RAB5A: variants seen among roughly 807,000 people sequenced by gnomAD.
RAB5A encodes the protein ras-related protein Rab-5A.
In RAB5A, 8 loss-of-function variants were observed where a neutral mutation model predicts 25.7. That is an observed-to-expected ratio of 0.31 (90% CI 0.18 to 0.56). The LOEUF is 0.56. RAB5A is among the 20% of genes least tolerant of loss of function. The pLI is 0.91. For synonymous variants in RAB5A, 98 were observed against 89.8 expected (o/e 1.09, Z -0.52); for missense variants, 192 against 259.7 (o/e 0.74, Z 1.79).
intron 2 of RAB5A, among the ~76,000 whole-genome samples, chr3:19,971,575 G>T (rs976260433): frequency 6.6e-6 from 1 of 152,044 alleles, no homozygotes; most frequent in African/African-American, 2.4e-5. Context: ...GAGTTCAAGT[G>T]ATTCTCCTGC....
At chr3:19,955,324 G>A (rs1438906088) in intron 2 of RAB5A, among the ~76,000 whole-genome samples, 3 of 152,174 alleles carry the variant, frequency 2.0e-5, no homozygotes, top group Non-Finnish European at 4.4e-5. Flanking sequence ...TGCTGGTTCT[G>A]TGATTTTTGT....
At position 19,970,575 on chromosome 3, in the gene RAB5A, C is replaced by T. The variant is rs1351525636; in HGVS notation, c.164-5026C>T. ...ACTCTCGAAGTGATAAAAGCTGTTTCTTTGTGAAATATGGGCCCGAAAAGA... is the reference window on the plus strand; with the variant it reads ...ACTCTCGAAGTGATAAAAGCTGTTTTTTTGTGAAATATGGGCCCGAAAAGA... On this transcript the variant is annotated intron_variant, in intron 2 of 5. Coordinates refer to ENST00000273047, the MANE Select transcript of RAB5A (RefSeq NM_004162.5). 6 of 456,618 alleles carry T rather than the reference C, an allele frequency of 1.3e-5. No homozygotes were observed. The East Asian group carries it at 4.2e-4, about 32-fold the overall frequency. 28.3% of individuals were successfully genotyped at this position (456,618 alleles called of 1,614,324 possible). A position where few individuals can be genotyped will look rare whatever the true frequency, so the allele number is the denominator to read the frequency against.
intron 4 of RAB5A, among the ~76,000 whole-genome samples, chr3:19,976,931 A>G (rs1696833145): frequency 6.6e-6 from 1 of 152,208 alleles, no homozygotes; most frequent in South Asian, 2.1e-4. Context: ...GGAAAATAAT[A>G]AGCTAAAAAC....
At chr3:19,963,345 G>A (rs1053692467) in intron 2 of RAB5A, among the ~76,000 whole-genome samples, 1 of 142,540 alleles carries the variant, frequency 7.0e-6, no homozygotes, top group Non-Finnish European at 1.5e-5. Flanking sequence ...TCACCTAATA[G>A]GGGATATCTT....
At position 19,984,279 on chromosome 3, in the gene RAB5A, G is replaced by A. The variant is rs1330531765; in HGVS notation, c.*456G>A. 1 of 428,794 alleles carries A rather than the reference G, an allele frequency of 2.3e-6. No homozygotes were observed. Among genetic ancestry groups the A allele is most frequent in the East Asian group, 7.2e-5 (1 of 13,880 alleles). The allele number at this position is 428,794 out of a possible 1,614,324, so 26.6% of individuals were successfully genotyped here. A position where few individuals can be genotyped will look rare whatever the true frequency, so the allele number is the denominator to read the frequency against. The stretch of plus-strand genomic sequence containing the variant: ...GCTTAGCCATAGTATTCAGGCAAAT[G>A]TTCATTTCTCCTGGTACCTGTATTT... On this transcript the variant is annotated 3_prime_UTR_variant, in exon 6 of 6. Coordinates refer to ENST00000273047, the MANE Select transcript of RAB5A (RefSeq NM_004162.5).
chr3:19,968,658 A>G (rs1053449353), intron 2 of RAB5A, among the ~76,000 whole-genome samples: 6 of 151,986 alleles, frequency 3.9e-5, no homozygotes, highest in Admixed American at 6.6e-5. Flanking sequence ...CCAGGGTTTC[A>G]CCATTTTGGC....
intron 5 of RAB5A, 43 bp from the exon 6 acceptor site, chr3:19,983,665 A>G (rs1559494517): frequency 7.9e-7 from 1 of 1,266,026 alleles, no homozygotes; most frequent in Non-Finnish European, 1.1e-6. Flanking sequence ...TGATATTAAT[A>G]TGAGTATTCA....
chr3:19,971,013 A>G (rs1211225996), intron 2 of RAB5A, among the ~76,000 whole-genome samples: 2 of 152,122 alleles, frequency 1.3e-5, no homozygotes, highest in Non-Finnish European at 2.9e-5. Context: ...TCTGGCCAAC[A>G]TGGTGAAACC....
chr3:19,956,089 C>G (rs941517443), intron 2 of RAB5A, among the ~76,000 whole-genome samples: 5 of 152,132 alleles, frequency 3.3e-5, no homozygotes, highest in African/African-American at 1.2e-4. Context: ...AGGGAGTACC[C>G]ATAGTTTTCA....
intron 2 of RAB5A, chr3:19,970,585 T>C (rs1383794084): frequency 2.2e-6 from 1 of 456,440 alleles, no homozygotes; most frequent in Non-Finnish European, 4.4e-6. Context: ...CTTTGTGAAA[T>C]ATGGGCCCGA....
chr3:19,955,906 A>G (rs1459901228), intron 2 of RAB5A, among the ~76,000 whole-genome samples: 1 of 151,670 alleles, frequency 6.6e-6, no homozygotes, highest in African/African-American at 2.4e-5. Flanking sequence ...TAAAAAAAAA[A>G]TTGTTCATGC....
At chr3:19,977,296 G>A (rs559567161) in intron 4 of RAB5A, among the ~76,000 whole-genome samples, 5 of 152,140 alleles carry the variant, frequency 3.3e-5, no homozygotes, top group Middle Eastern at 6.8e-3. Context: ...GGGTGGTCTC[G>A]ATCTCCTGAC....
chr3:19,955,579 TGTG>T (rs1259850214), intron 2 of RAB5A, among the ~76,000 whole-genome samples: 10 of 152,160 alleles, frequency 6.6e-5, no homozygotes, highest in East Asian at 3.9e-4. Flanking sequence ...TTTTTTGAGG[TGTG>T]GTGTTTGTCA....
In RAB5A at chr3:19,970,991, G is replaced by T. The variant is rs371481596; in HGVS notation, c.164-4610G>T. 6.0e-4 allele frequency among the ~76,000 whole-genome samples: 92 copies of T among 152,178 alleles called. 1 individual carries two copies. The South Asian group carries it at 9.1e-3, about 15-fold the overall frequency. ...GCGGATGGATCACCAGAGGTCAGGG[G>T]TTCAAGACCAGTCTGGCCAACATGG... On this transcript the variant is annotated intron_variant, in intron 2 of 5. Coordinates refer to ENST00000273047, the MANE Select transcript of RAB5A (RefSeq NM_004162.5).
At chr3:19,947,777 C>G (rs2125175515) in intron 1 of RAB5A, 1 of 152,488 alleles carries the variant, frequency 6.6e-6, no homozygotes, top group South Asian at 2.1e-4. Flanking sequence ...TTTCCCTTCT[C>G]AAGATGGCGC....
intron 2 of RAB5A, among the ~76,000 whole-genome samples, chr3:19,974,986 G>C (rs1385961303): frequency 6.6e-6 from 1 of 152,156 alleles, no homozygotes; most frequent in Non-Finnish European, 1.5e-5. Flanking sequence ...AGCACTTTGG[G>C]AGGCCAAGGT....
intron 2 of RAB5A, among the ~76,000 whole-genome samples, chr3:19,955,078 C>T (rs1042112584): frequency 3.3e-5 from 5 of 152,058 alleles, no homozygotes; most frequent in African/African-American, 1.2e-4. Flanking sequence ...GGTAGCTCTT[C>T]AGTAAATACT....
intron 2 of RAB5A, among the ~76,000 whole-genome samples, chr3:19,964,002 T>G (rs189973752): frequency 1.3e-5 from 2 of 152,288 alleles, no homozygotes; most frequent in African/African-American, 4.8e-5. Flanking sequence ...AAAGAATCAC[T>G]TTGAAGGCCA....
At chr3:19,949,406 A>G (rs1048977856) in intron 1 of RAB5A, among the ~76,000 whole-genome samples, 4 of 152,150 alleles carry the variant, frequency 2.6e-5, no homozygotes, top group Non-Finnish European at 4.4e-5. Context: ...TAATATAGAG[A>G]CAGGGTCTCA....
Sources: allele counts gnomAD v4.1 joint callset (sites outside exome capture counted in the v4.1 genomes callset), GRCh38; gene constraint gnomAD v4.1.1; transcripts MANE v1.5; gene names NCBI Gene and HGNC (gene_info 2026-07-23, HGNC 2026-07-21).